Variants in FBXO16 observed in about 807,000 individuals in gnomAD.
FBXO16 encodes the protein F-box only protein 16.
In FBXO16, 31 loss-of-function variants were observed where a neutral mutation model predicts 41.0. That is an observed-to-expected ratio of 0.76 (90% CI 0.57 to 1.02). The LOEUF (loss-of-function observed/expected upper bound fraction) is 1.02, where lower values mean the gene tolerates loss of function less well. Among genes scored for constraint, FBXO16 ranks in the 50% least tolerant of loss-of-function variants. The probability of loss-of-function intolerance (pLI) is 0.00; values close to 1 mark genes in which losing one functional copy is unlikely to be tolerated. For missense variants in FBXO16, 361 were observed against 346.2 expected (o/e 1.04, Z -0.34); for synonymous variants, 133 against 117.8 (o/e 1.13, Z -0.84).
Position 28,460,423 on chromosome 8 carries a change from ATTTTT to A in FBXO16, c.342+3184_342+3188del, listed in dbSNP as rs1174276709. 5.1e-3 allele frequency among the ~76,000 whole-genome samples: 424 copies of A among 82,486 alleles called. 15 individuals carry two copies. The highest frequency in any genetic ancestry group is 0.024 in the African/African-American group (383 of 15,896). The allele number at this position is 82,486 out of a possible 152,430, so 54.1% of individuals were successfully genotyped here. A position where few individuals can be genotyped will look rare whatever the true frequency, so the allele number is the denominator to read the frequency against. On this transcript the variant is annotated intron_variant, in intron 4 of 8. Coordinates refer to ENST00000380254, the MANE Select transcript of FBXO16 (RefSeq NM_172366.4). ...TAGGCACATGCGCTATACCTGGCTAATTTTTTTTTTTTTTTTTTTTTTGAGACAGC... is the reference window on the plus strand; with the variant it reads ...TAGGCACATGCGCTATACCTGGCTAATTTTTTTTTTTTTTTTTGAGACAGC...
At chr8:28,452,211 C>G (rs376343896) in intron 6 of FBXO16, 33 bp downstream of exon 6, 2 of 1,568,722 alleles carry the variant, frequency 1.3e-6, no homozygotes, top group Non-Finnish European at 1.7e-6. Context: ...TTTCTAAAAA[C>G]GAAGAAGTTG....
rs77530234 is a variant in FBXO16 at position 28,486,231 on chromosome 8, C to CT, written c.-16-2770dup. On this transcript the variant is annotated intron_variant, in intron 1 of 8. Transcript: ENST00000380254. ...ATTTTCTACATTTCTTCTTCTTCTTCTTTTTTTTTTTTGGAAGAGTTTTGT... is the reference window on the plus strand; with the variant it reads ...ATTTTCTACATTTCTTCTTCTTCTTCTTTTTTTTTTTTTGGAAGAGTTTTGT... Among the ~76,000 whole-genome samples, 928 of 144,496 alleles carry CT rather than the reference C, an allele frequency of 6.4e-3. 10 individuals carry two copies. Among genetic ancestry groups the CT allele is most frequent in the African/African-American group, 0.021 (835 of 39,308 alleles). 94.8% of individuals were successfully genotyped at this position (144,496 alleles called of 152,430 possible). A position where few individuals can be genotyped will look rare whatever the true frequency, so the allele number is the denominator to read the frequency against.
chr8:28,441,833 G>A (rs1448144530), intron 7 of FBXO16, among the ~76,000 whole-genome samples: 3 of 147,102 alleles, frequency 2.0e-5, no homozygotes, highest in African/African-American at 7.5e-5. Context: ...CTACTGTGAA[G>A]TTTATATATA....
At chr8:28,429,819 C>T (rs1227406871) in intron 7 of FBXO16, among the ~76,000 whole-genome samples, 1 of 152,222 alleles carries the variant, frequency 6.6e-6, no homozygotes, top group Non-Finnish European at 1.5e-5. Flanking sequence ...CACAAGGAAG[C>T]TCCACACCTG....
chr8:28,463,054 CTAAA>C (rs1039632627), intron 4 of FBXO16, among the ~76,000 whole-genome samples: 16 of 152,268 alleles, frequency 1.1e-4, no homozygotes, highest in Non-Finnish European at 1.0e-4. Flanking sequence ...CATTTGAGTT[CTAAA>C]TAGAGTTGGA....
At position 28,454,645 on chromosome 8, in the gene FBXO16, G is replaced by A. The variant is rs374542406; in HGVS notation, c.507+2121C>T. Among the ~76,000 whole-genome samples the A allele has an allele frequency of 3.6e-4, 54 of 149,606 alleles. No homozygotes were observed. The East Asian group carries it at 9.5e-3, about 26-fold the overall frequency. On this transcript the variant is annotated intron_variant, in intron 5 of 8. Transcript: ENST00000380254. ...CAGGAGGCTGAGGAAGGAGAATGGCGTGAGCCCGGGAGGCGGAGCTTGCAG... is the reference window on the plus strand; with the variant it reads ...CAGGAGGCTGAGGAAGGAGAATGGCATGAGCCCGGGAGGCGGAGCTTGCAG...
At chr8:28,449,347 G>A in intron 6 of FBXO16, among the ~76,000 whole-genome samples, 1 of 138,748 alleles carries the variant, frequency 7.2e-6, no homozygotes, top group Admixed American at 7.5e-5. Flanking sequence ...TTTGAGACAG[G>A]GTCTTGCTCT....
At position 28,485,137 on chromosome 8, in the gene FBXO16, A is replaced by G. The variant is rs552529604; in HGVS notation, c.-16-1675T>C. Among the ~76,000 whole-genome samples, 16 of 152,256 alleles carry G rather than the reference A, an allele frequency of 1.1e-4. No individual in the cohort carries two copies. The East Asian group carries it at 3.1e-3, about 29-fold the overall frequency. ...GGACCAGGGCCTGCTCGCCTGATCA[A>G]TGGGCTCCACAAATGACCCCACAGC... is the stretch of plus-strand genomic sequence containing the variant. On this transcript the variant is annotated intron_variant, in intron 1 of 8. Coordinates refer to ENST00000380254, the MANE Select transcript of FBXO16 (RefSeq NM_172366.4).
At chr8:28,441,057 AT>A (rs1802764673) in intron 7 of FBXO16, among the ~76,000 whole-genome samples, 1 of 152,074 alleles carries the variant, frequency 6.6e-6, no homozygotes, top group African/African-American at 2.4e-5. Flanking sequence ...TCTTGCTTCC[AT>A]GTGTAAATGG....
chr8:28,467,181 G>C (rs1258325233), intron 3 of FBXO16, among the ~76,000 whole-genome samples: 1 of 152,010 alleles, frequency 6.6e-6, no homozygotes, highest in Non-Finnish European at 1.5e-5. Context: ...GATGATTACG[G>C]TTACAAAAAA....
intron 3 of FBXO16, among the ~76,000 whole-genome samples, chr8:28,467,237 C>T (rs1803259104): frequency 6.6e-6 from 1 of 152,090 alleles, no homozygotes. Context: ...AAAGATAACT[C>T]AAAATGCCTA....
At chr8:28,452,598 C>T (rs377149575) in intron 5 of FBXO16, 122 bp from the exon 6 acceptor site, 8 of 822,812 alleles carry the variant, frequency 9.7e-6, no homozygotes, top group Admixed American at 5.4e-5. Flanking sequence ...GTCAGAAGTT[C>T]GAGACCAGCC....
At chr8:28,445,403 G>A (rs527733417) in intron 7 of FBXO16, among the ~76,000 whole-genome samples, 6 of 152,252 alleles carry the variant, frequency 3.9e-5, no homozygotes, top group East Asian at 3.9e-4. Flanking sequence ...TTGTGTTTTC[G>A]AAGCAGGAGA....
chr8:28,470,200 A>T (rs964508673), intron 3 of FBXO16, among the ~76,000 whole-genome samples: 6 of 152,216 alleles, frequency 3.9e-5, no homozygotes, highest in Admixed American at 2.0e-4. Context: ...TCTTAAAAAA[A>T]AAAAAATAAA....
intron 7 of FBXO16, among the ~76,000 whole-genome samples, chr8:28,438,107 G>A (rs530638576): frequency 6.6e-5 from 10 of 152,142 alleles, no homozygotes; most frequent in Admixed American, 2.6e-4. Context: ...CTTGAGACCC[G>A]GAGCTCGAGA....
chr8:28,428,620 A>T lies in FBXO16; in HGVS notation c.*107T>A, dbSNP rs773412907. 1.9e-6 allele frequency: 3 copies of T among 1,552,400 alleles called. No homozygotes were observed. Among genetic ancestry groups the T allele is most frequent in the Non-Finnish European group, 2.6e-6 (3 of 1,147,502 alleles). On this transcript the variant is annotated 3_prime_UTR_variant, in exon 9 of 9. Transcript: ENST00000380254. ...ATGCTTGGGGCCCAGGGTGCCTGTGAGGATGCTGCATGAGAATTTCAGCTG... is the reference window on the plus strand; with the variant it reads ...ATGCTTGGGGCCCAGGGTGCCTGTGTGGATGCTGCATGAGAATTTCAGCTG...
chr8:28,460,016 A>T (rs1299041215), intron 4 of FBXO16, among the ~76,000 whole-genome samples: 2 of 151,804 alleles, frequency 1.3e-5, no homozygotes, highest in African/African-American at 4.8e-5. Flanking sequence ...ACAGAGCAAG[A>T]CTTCATCTCA....
intron 2 of FBXO16, among the ~76,000 whole-genome samples, chr8:28,477,316 A>T (rs929947474): frequency 1.3e-5 from 2 of 152,214 alleles, no homozygotes; most frequent in South Asian, 2.1e-4. Flanking sequence ...AAATGCCCTC[A>T]TTTAGAAGTA....
chr8:28,428,860 T>A, intron 8 of FBXO16, 124 bp from the exon 9 acceptor site: 6 of 1,146,384 alleles, frequency 5.2e-6, no homozygotes, highest in Non-Finnish European at 7.2e-6. Context: ...TGGGATTTAT[T>A]GAGATTTCCC....
Sources: allele counts gnomAD v4.1 joint callset (sites outside exome capture counted in the v4.1 genomes callset), GRCh38; gene constraint gnomAD v4.1.1; transcripts MANE v1.5; gene names NCBI Gene and HGNC (gene_info 2026-07-23, HGNC 2026-07-21).